The following NEK5 variants were observed in gnomAD, a reference collection of about 807,000 sequenced individuals.
NEK5 encodes the protein serine/threonine-protein kinase Nek5.
NEK5 carries 88 observed loss-of-function variants against 109.2 expected under a neutral mutation model. The observed-to-expected ratio is 0.81, with a 90% CI of 0.68 to 0.96. NEK5 has a LOEUF of 0.96. Ranked by LOEUF, NEK5 falls within the 40% of genes least tolerant of loss-of-function variation. The probability of loss-of-function intolerance (pLI) is 0.00; values close to 1 mark genes in which losing one functional copy is unlikely to be tolerated. For synonymous variants in NEK5, 283 were observed against 299.9 expected, an observed-to-expected ratio of 0.94 and a Z score of 0.58; for missense variants, 834 against 920.7, an observed-to-expected ratio of 0.91 and a Z score of 1.22.
chr13:52,052,106 C>T (rs867562892), intron 22 of NEK5, among the ~76,000 whole-genome samples: 1 of 150,278 alleles, frequency 6.7e-6, no homozygotes, highest in Non-Finnish European at 1.5e-5. Flanking sequence ...ACCCCACCCC[C>T]GCCCTGCTTC....
At chr13:52,055,605 C>A (rs1362936496) in intron 22 of NEK5, among the ~76,000 whole-genome samples, 1 of 152,108 alleles carries the variant, frequency 6.6e-6, no homozygotes, top group East Asian at 1.9e-4. Context: ...GATCTCTCGG[C>A]AGAAACTCTA....
At chr13:52,117,732 C>T (rs372312173) in intron 4 of NEK5, among the ~76,000 whole-genome samples, 47 of 152,088 alleles carry the variant, frequency 3.1e-4, no homozygotes, top group African/African-American at 9.9e-4. Flanking sequence ...ATGTAAAGGG[C>T]GACAAATATG....
At chr13:52,043,742 C>A (rs1017824578) in intron 23 of NEK5, among the ~76,000 whole-genome samples, 6 of 152,058 alleles carry the variant, frequency 3.9e-5, no homozygotes, top group African/African-American at 1.4e-4. Context: ...ATAAAGACAC[C>A]ACTTCACACC....
chr13:52,058,167 CAGAG>C (rs1954578981), intron 22 of NEK5, among the ~76,000 whole-genome samples: 1 of 133,650 alleles, frequency 7.5e-6, no homozygotes, highest in African/African-American at 2.8e-5. Flanking sequence ...AACAGACAAA[CAGAG>C]AGCCAAATCA....
At chr13:52,110,845 G>A (rs1955745182) in intron 5 of NEK5, among the ~76,000 whole-genome samples, 2 of 152,114 alleles carry the variant, frequency 1.3e-5, no homozygotes, top group Non-Finnish European at 2.9e-5. Context: ...AAAAAGATAA[G>A]TAGAAGCAAG....
chr13:52,114,492 T>A (rs551103028), intron 4 of NEK5, among the ~76,000 whole-genome samples: 1 of 152,332 alleles, frequency 6.6e-6, no homozygotes, highest in East Asian at 1.9e-4. Context: ...TTTTTCCTCC[T>A]CTCTTCTTTA....
chr13:52,076,214 A>G, intron 17 of NEK5, 71 bp from the exon 18 acceptor site: 1 of 803,892 alleles, frequency 1.2e-6, no homozygotes, highest in South Asian at 1.7e-5. Flanking sequence ...GTTAAATCTG[A>G]TGATTGATTT....
intron 19 of NEK5, among the ~76,000 whole-genome samples, chr13:52,073,605 G>A (rs1246318512): frequency 2.6e-5 from 4 of 152,086 alleles, no homozygotes; most frequent in South Asian, 2.1e-4. Flanking sequence ...GTGAGCCACC[G>A]TTCCCTGGCC....
intron 23 of NEK5, among the ~76,000 whole-genome samples, chr13:52,038,332 G>A (rs551339384): frequency 8.7e-4 from 132 of 151,956 alleles, no homozygotes; most frequent in Non-Finnish European, 1.7e-3. Flanking sequence ...AAAACAAAAC[G>A]GAACAAAAAA....
intron 11 of NEK5, among the ~76,000 whole-genome samples, chr13:52,101,381 C>T (rs1183876291): frequency 6.6e-6 from 1 of 151,582 alleles, no homozygotes; most frequent in East Asian, 1.9e-4. Context: ...GCCTGGGCGA[C>T]AGAGCGAGAC....
At chr13:52,037,475 A>T (rs989326835) in intron 23 of NEK5, among the ~76,000 whole-genome samples, 5 of 151,444 alleles carry the variant, frequency 3.3e-5, no homozygotes, top group African/African-American at 9.7e-5. Flanking sequence ...AGAGAGAATT[A>T]AAAAAAAAGA....
chr13:52,070,059 G>A (rs1954760290), intron 20 of NEK5, among the ~76,000 whole-genome samples: 1 of 152,178 alleles, frequency 6.6e-6, no homozygotes, highest in African/African-American at 2.4e-5. Flanking sequence ...TAAGATGCCT[G>A]CTGAATGGAG....
At chr13:52,117,229 A>G (rs999321569) in intron 4 of NEK5, among the ~76,000 whole-genome samples, 1 of 152,046 alleles carries the variant, frequency 6.6e-6, no homozygotes, top group Non-Finnish European at 1.5e-5. Flanking sequence ...AAAACATTCT[A>G]TTTTCTATAG....
intron 3 of NEK5, among the ~76,000 whole-genome samples, chr13:52,125,083 G>T (rs540580283): frequency 6.6e-6 from 1 of 152,268 alleles, no homozygotes; most frequent in Non-Finnish European, 1.5e-5. Flanking sequence ...GGTGAAGTGG[G>T]TCTGCTTACA....
chr13:52,053,860 C>T (rs527995019), intron 22 of NEK5, among the ~76,000 whole-genome samples: 142 of 152,314 alleles, frequency 9.3e-4, no homozygotes, highest in African/African-American at 3.3e-3. Flanking sequence ...CCACTGCTAG[C>T]GCTGAAAAAT....
chr13:52,097,995 C>A (rs1417498474), intron 12 of NEK5, among the ~76,000 whole-genome samples: 1 of 152,092 alleles, frequency 6.6e-6, no homozygotes, highest in Non-Finnish European at 1.5e-5. Context: ...TAGCACCTCC[C>A]CCTTTGCTCT....
At chr13:52,083,379 C>G (rs763153355) in intron 16 of NEK5, 27 bp from the exon 17 acceptor site, 90 of 1,444,784 alleles carry the variant, frequency 6.2e-5, no homozygotes, top group Non-Finnish European at 8.0e-5. Context: ...ACACAGTCAA[C>G]AAGATTGGTT....
chr13:52,127,281 A>G, intron 3 of NEK5, 85 bp downstream of exon 3: 1 of 778,500 alleles, frequency 1.3e-6, no homozygotes, highest in South Asian at 1.7e-5. Context: ...GAAATTATAA[A>G]AAATAAAAAT....
chr13:52,082,930 C>T (rs1308285330), intron 17 of NEK5, among the ~76,000 whole-genome samples: 3 of 152,114 alleles, frequency 2.0e-5, no homozygotes, highest in African/African-American at 7.2e-5. Context: ...TGGTGGATCA[C>T]GAGGTCAAGA....
Sources: gnomAD v4.1 joint callset for allele counts (sites outside exome capture counted in the v4.1 genomes callset) on GRCh38, gnomAD v4.1.1 for gene constraint, MANE v1.5 for transcripts, NCBI Gene and HGNC (gene_info 2026-07-23, HGNC 2026-07-21) for gene names.